CTNND1: variants seen among roughly 807,000 people sequenced by gnomAD.
CTNND1 encodes catenin delta 1, also known as catenin delta-1.
CTNND1 carries 16 observed loss-of-function variants against 112.1 expected under a neutral mutation model. The ratio of observed to expected loss-of-function variants is 0.14; its 90% CI spans 0.10 to 0.22. The LOEUF is 0.22. Among genes scored for constraint, CTNND1 ranks in the 10% least tolerant of loss-of-function variants. The probability of loss-of-function intolerance (pLI) is 1.00; values close to 1 mark genes in which losing one functional copy is unlikely to be tolerated. For synonymous variants in CTNND1, 420 were observed against 446.5 expected, an observed-to-expected ratio of 0.94 and a Z score of 0.75; for missense variants, 1,008 against 1,257.0, an observed-to-expected ratio of 0.80 and a Z score of 3.00.
intron 7 of CTNND1, among the ~76,000 whole-genome samples, chr11:57,802,697 T>G (rs2062134578): frequency 6.6e-6 from 1 of 152,256 alleles, no homozygotes; most frequent in Non-Finnish European, 1.5e-5. Context: ...CTTGTGGTTC[T>G]TGCTTTATTT....
At position 57,805,887 on chromosome 11, in the gene CTNND1, A is replaced by T. The variant is rs748959330; in HGVS notation, c.1728A>T (p.Val576=). 6.2e-7 allele frequency: 1 copy of T among 1,613,668 alleles called. No homozygotes were observed. Residue 576 remains valine (V), a synonymous_variant, in exon 10 of 21, where the codon GTA becomes GTT. Coordinates refer to ENST00000399050, the MANE Select transcript of CTNND1 (RefSeq NM_001085458.2). ...GGCCCTTTTATGTCCCTAAGCTTGT[A>T]GAGAACTGTGTTTGCCTTCTTCGGA... The part of the protein sequence containing the change: ...IGQKDSDSKL[V]ENCVCLLRNL...
rs538240234 is a variant in CTNND1 at position 57,810,122 on chromosome 11, A to G, written c.2449A>G (p.Lys817Glu). 6.2e-7 allele frequency: 1 copy of G among 1,609,582 alleles called. No individual in the cohort carries two copies. The highest frequency in any genetic ancestry group is 1.3e-5 in the African/African-American group (1 of 74,674). Residue 817 changes from lysine (K) to glutamate (E), a missense_variant, in exon 16 of 21, where the codon AAA (lysine) becomes GAA (glutamate). Around this residue, in one of 5 missense-constraint regions of CTNND1, gnomAD observed 254 missense variants for 279.5 expected, o/e 0.91. Transcript: ENST00000399050. ...LINKSGNRSE[K>E]EVRAAALVLQ... is the part of the protein sequence containing the mutation. ...TTTCCTCCAAAGGAACCGCTCAGAA[A>G]AAGAAGTTCGAGCAGCAGCACTTGT...
At chr11:57,784,438 C>A (rs1169025297) in intron 1 of CTNND1, among the ~76,000 whole-genome samples, 1 of 149,528 alleles carries the variant, frequency 6.7e-6, no homozygotes, top group Non-Finnish European at 1.5e-5. Context: ...TTCCCTAGAA[C>A]GACATGGAAA....
intron 1 of CTNND1, among the ~76,000 whole-genome samples, chr11:57,772,096 ATT>A (rs536394341): frequency 4.6e-5 from 6 of 129,850 alleles, no homozygotes; most frequent in Non-Finnish European, 4.9e-5. Flanking sequence ...TAATTTTTGT[ATT>A]TTTTTTTTTT....
At chr11:57,813,468 C>G (rs1289814462) in intron 17 of CTNND1, among the ~76,000 whole-genome samples, 1 of 152,130 alleles carries the variant, frequency 6.6e-6, no homozygotes, top group Admixed American at 6.5e-5. Flanking sequence ...TTGCAAGTGA[C>G]AAATACATAT....
At chr11:57,797,653 A>G (rs1167895650) in intron 6 of CTNND1, among the ~76,000 whole-genome samples, 10 of 148,150 alleles carry the variant, frequency 6.7e-5, no homozygotes, top group Non-Finnish European at 9.0e-5. Context: ...GACCAGCCTG[A>G]CCAACATGGA....
At chr11:57,769,663 GT>G (rs1271705828) in intron 1 of CTNND1, among the ~76,000 whole-genome samples, 1 of 148,926 alleles carries the variant, frequency 6.7e-6, no homozygotes, top group Non-Finnish European at 1.5e-5. Flanking sequence ...TTCCCTTTAG[GT>G]TTTCCCTTAG....
chr11:57,798,084 C>T (rs1486389057), intron 6 of CTNND1, among the ~76,000 whole-genome samples: 1 of 152,024 alleles, frequency 6.6e-6, no homozygotes, highest in East Asian at 1.9e-4. Context: ...CACGGTGTCT[C>T]ACGCTTGTAA....
rs776632677 is a variant in CTNND1, at chr11:57,810,188, C to T, written c.2515C>T (p.Leu839=). ...IWGYKELRKP[L]EKEGWKKSDF... is the part of the protein sequence containing the mutation. ...GGGATATAAGGAACTGCGGAAGCCACTGGAAAAAGAAGGATGGAAGAAATC... is the reference window on the plus strand; with the variant it reads ...GGGATATAAGGAACTGCGGAAGCCATTGGAAAAAGAAGGATGGAAGAAATC... Residue 839 remains leucine, a synonymous_variant, in exon 16 of 21, where the codon CTG becomes TTG. Coordinates refer to ENST00000399050, the MANE Select transcript of CTNND1 (RefSeq NM_001085458.2). 2 of 1,611,310 alleles carry T rather than the reference C, an allele frequency of 1.2e-6. No individual in the cohort carries two copies. The highest frequency in any genetic ancestry group is 2.2e-5 in the East Asian group (1 of 44,782).
At chr11:57,791,815 T>TA (rs2060778655) in intron 3 of CTNND1, 142 bp downstream of exon 3, 1 of 863,852 alleles carries the variant, frequency 1.2e-6, no homozygotes, top group Admixed American at 4.0e-5. Flanking sequence ...CCAGGGGTGT[T>TA]AAATGCTGAT....
chr11:57,811,554 A>G, intron 17 of CTNND1, 68 bp downstream of exon 17: 1 of 1,018,262 alleles, frequency 9.8e-7, no homozygotes, highest in South Asian at 1.4e-5. Context: ...CTTACTAAGA[A>G]ATAGGATATA....
intron 4 of CTNND1, among the ~76,000 whole-genome samples, chr11:57,794,685 T>G (rs982695940): frequency 6.6e-6 from 1 of 151,554 alleles, no homozygotes; most frequent in Non-Finnish European, 1.5e-5. Flanking sequence ...CTCGGGAGGC[T>G]GAGGCAGGAG....
chr11:57,791,518 G>T lies in CTNND1; in HGVS notation c.40G>T (p.Ala14Ser). ...SEVESTASIL[A>S]SVKEQEAQFE... The stretch of plus-strand genomic sequence containing the variant: ...GGTGGAGTCGACCGCCAGCATCTTG[G>T]CCTCTGTGAAGGAACAAGAGGCCCA... The change falls in exon 3 of 21, where the codon GCC becomes TCC. Residue 14 changes from alanine (A) to serine (S), a missense_variant. Transcript: ENST00000399050. The T allele has an allele frequency of 6.3e-7, 1 of 1,592,628 alleles. No homozygotes were observed. Among genetic ancestry groups the T allele is most frequent in the Admixed American group, 1.8e-5 (1 of 56,510 alleles).
intron 8 of CTNND1, among the ~76,000 whole-genome samples, chr11:57,804,363 CCT>C (rs2062385556): frequency 2.0e-5 from 3 of 152,158 alleles, no homozygotes; most frequent in Admixed American, 2.0e-4. Flanking sequence ...TTGGAATACA[CCT>C]CTGTGTGCTG....
At chr11:57,764,535 C>A (rs1950627309) in intron 1 of CTNND1, among the ~76,000 whole-genome samples, 1 of 151,948 alleles carries the variant, frequency 6.6e-6, no homozygotes, top group Non-Finnish European at 1.5e-5. Flanking sequence ...ATTTTGGTAC[C>A]CTGTTAGTAA....
chr11:57,776,292 A>T (rs909785182), intron 1 of CTNND1, among the ~76,000 whole-genome samples: 1 of 152,118 alleles, frequency 6.6e-6, no homozygotes. Context: ...TCATCAAGCT[A>T]TCTCAATTAC....
At chr11:57,793,252 T>C (rs1477489045) in intron 3 of CTNND1, 1 of 152,134 alleles carries the variant, frequency 6.6e-6, no homozygotes, top group African/African-American at 2.4e-5. Context: ...CAGGCAAATA[T>C]ATTTTTATGT....
At chr11:57,801,256 C>G (rs1327274775) in intron 6 of CTNND1, among the ~76,000 whole-genome samples, 2 of 152,040 alleles carry the variant, frequency 1.3e-5, no homozygotes, top group Non-Finnish European at 2.9e-5. Flanking sequence ...CTTATCCTAC[C>G]AGTTGTTTCC....
At chr11:57,790,262 G>A (rs556719426) in intron 2 of CTNND1, among the ~76,000 whole-genome samples, 12 of 152,038 alleles carry the variant, frequency 7.9e-5, no homozygotes, top group African/African-American at 2.9e-4. Flanking sequence ...TAGAGATAAG[G>A]TTTCCCCATG....
Sources: gnomAD v4.1 joint callset for allele counts (sites outside exome capture counted in the v4.1 genomes callset) on GRCh38, gnomAD v4.1.1 for gene constraint, gnomAD v4.1.1 regional missense constraint, MANE v1.5 for transcripts, NCBI Gene and HGNC (gene_info 2026-07-23, HGNC 2026-07-21) for gene names.